TNRC6A: variants seen among roughly 807,000 people sequenced by gnomAD.
The protein encoded by TNRC6A is trinucleotide repeat-containing gene 6A protein.
TNRC6A carries 44 observed loss-of-function variants against 221.2 expected under a neutral mutation model. The ratio of observed to expected loss-of-function variants is 0.20; its 90% CI spans 0.16 to 0.26. The LOEUF is 0.26. TNRC6A is among the 10% of genes least tolerant of loss of function. TNRC6A has a pLI of 1.00. For synonymous variants in TNRC6A, 847 were observed against 838.5 expected (o/e 1.01, Z -0.18); for missense variants, 2,199 against 2,404.4 (o/e 0.91, Z 1.79).
intron 2 of TNRC6A, among the ~76,000 whole-genome samples, chr16:24,675,969 C>T (rs1278742878): frequency 6.6e-6 from 1 of 151,538 alleles, no homozygotes; most frequent in Non-Finnish European, 1.5e-5. Context: ...AGCAATCCTG[C>T]TTATCTTGCC....
At chr16:24,668,727 TTAGA>T (rs1449760155) in intron 2 of TNRC6A, among the ~76,000 whole-genome samples, 1 of 152,214 alleles carries the variant, frequency 6.6e-6, no homozygotes, top group Admixed American at 6.5e-5. Flanking sequence ...AGCCATGACC[TTAGA>T]TGGGAAAGAA....
upstream of TNRC6A, among the ~76,000 whole-genome samples, chr16:24,729,401 CTCCCCTCCT>C (rs2056554067): frequency 6.8e-6 from 1 of 147,644 alleles, no homozygotes; most frequent in African/African-American, 2.5e-5. Context: ...AGGGGAGGGA[CTCCCCTCCT>C]CGGTCAGACC....
At position 24,626,494 on chromosome 16, in the gene TNRC6A, C is replaced by G. The variant is rs1002776116; in HGVS notation, n.277-14390C>G. ...TCTGCCTCTGTAGCCTTCCTTGGAG[C>G]AATTCAAGCCATAGCATACTTTCAA... On this transcript the variant is annotated intron_variant and non_coding_transcript_variant, in intron 1 of 2. Coordinates refer to the TNRC6A transcript ENST00000566108. Among the ~76,000 whole-genome samples, 20 of 152,076 alleles carry G rather than the reference C, an allele frequency of 1.3e-4. 1 individual carries two copies. Among genetic ancestry groups the G allele is most frequent in the Admixed American group, 9.2e-4 (14 of 15,236 alleles).
intron 1 of TNRC6A, among the ~76,000 whole-genome samples, chr16:24,617,329 A>G (rs1900410102): frequency 1.3e-5 from 2 of 151,950 alleles, no homozygotes; most frequent in South Asian, 4.2e-4. Flanking sequence ...GGGTCTCACT[A>G]CGTTGCCCAG....
chr16:24,615,746 C>G (rs1309276487), intron 1 of TNRC6A, among the ~76,000 whole-genome samples: 2 of 152,154 alleles, frequency 1.3e-5, no homozygotes, highest in Non-Finnish European at 2.9e-5. Context: ...CAAGTTGTAG[C>G]TGGGTGTACT....
chr16:24,630,471 C>A (rs527323564), intron 1 of TNRC6A, among the ~76,000 whole-genome samples: 1 of 152,282 alleles, frequency 6.6e-6, no homozygotes, highest in Admixed American at 6.5e-5. Flanking sequence ...AGAGACCAGC[C>A]TGGGCAACGT....
At chr16:24,780,117 T>C (rs549961954) in intron 5 of TNRC6A, among the ~76,000 whole-genome samples, 4 of 152,338 alleles carry the variant, frequency 2.6e-5, no homozygotes, top group South Asian at 2.1e-4. Context: ...ATTGTTCTTA[T>C]AGGCCAAAGT....
chr16:24,788,016 T>A (rs2151845756), intron 5 of TNRC6A, among the ~76,000 whole-genome samples: 1 of 152,328 alleles, frequency 6.6e-6, no homozygotes, highest in Non-Finnish European at 1.5e-5. Context: ...AGAATGCACG[T>A]GACTTATGCA....
At chr16:24,707,560 T>A (rs1335499623) in intron 2 of TNRC6A, among the ~76,000 whole-genome samples, 1 of 152,174 alleles carries the variant, frequency 6.6e-6, no homozygotes, top group East Asian at 1.9e-4. Flanking sequence ...GAAGAATAAA[T>A]GTCCTTAATA....
At chr16:24,645,473 G>A (rs1334665994) in intron 2 of TNRC6A, among the ~76,000 whole-genome samples, 2 of 151,324 alleles carry the variant, frequency 1.3e-5, no homozygotes, top group South Asian at 2.1e-4. Context: ...CTGGGCAACA[G>A]AGTGAGACCC....
intron 11 of TNRC6A, chr16:24,803,592 G>A (rs1043122825): frequency 2.6e-5 from 4 of 152,354 alleles, no homozygotes; most frequent in Middle Eastern, 3.4e-3. Context: ...CTTAAGTTAT[G>A]TAACCTAAGA....
chr16:24,711,904 T>C (rs2142313875), intron 2 of TNRC6A, among the ~76,000 whole-genome samples: 1 of 152,222 alleles, frequency 6.6e-6, no homozygotes, highest in East Asian at 1.9e-4. Flanking sequence ...CAAGCGATCC[T>C]CCTGCCTCAG....
intron 2 of TNRC6A, among the ~76,000 whole-genome samples, chr16:24,653,778 C>CAAA (rs11285795): frequency 1.4e-5 from 2 of 140,670 alleles, no homozygotes. Flanking sequence ...GAGACTCTAT[C>CAAA]AAAAAAAAAA....
At chr16:24,687,911 CTTCTT>C (rs551462314) in intron 2 of TNRC6A, among the ~76,000 whole-genome samples, 10,563 of 119,986 alleles carry the variant, frequency 0.088, 897 homozygotes, top group African/African-American at 0.19. Flanking sequence ...CTTGGACATG[CTTCTT>C]TTCTTTTCTT....
At chr16:24,617,449 AGTGTGATT>A (rs779529237) in intron 1 of TNRC6A, among the ~76,000 whole-genome samples, 10 of 152,156 alleles carry the variant, frequency 6.6e-5, no homozygotes, top group Non-Finnish European at 1.2e-4. Flanking sequence ...CCTAATGCCT[AGTGTGATT>A]GTGTGATTAA....
At chr16:24,773,419 A>G (rs1438784605) in intron 4 of TNRC6A, among the ~76,000 whole-genome samples, 1 of 152,114 alleles carries the variant, frequency 6.6e-6, no homozygotes, top group East Asian at 1.9e-4. Context: ...TTTATTTGCT[A>G]GTTTTATCAT....
At chr16:24,615,310 A>G (rs11647207) in intron 1 of TNRC6A, among the ~76,000 whole-genome samples, 1 of 152,090 alleles carries the variant, frequency 6.6e-6, no homozygotes, top group Non-Finnish European at 1.5e-5. Flanking sequence ...GAAGATGTCA[A>G]CCATTCCGTG....
At chr16:24,610,739 C>A (rs561986438) in intron 1 of TNRC6A, among the ~76,000 whole-genome samples, 3 of 152,110 alleles carry the variant, frequency 2.0e-5, no homozygotes, top group African/African-American at 7.2e-5. Context: ...CCGAGCCTCT[C>A]CTCTCTCTAT....
intron 6 of TNRC6A, among the ~76,000 whole-genome samples, chr16:24,793,120 G>A (rs1276641479): frequency 4.6e-5 from 7 of 152,090 alleles, no homozygotes; most frequent in Admixed American, 4.6e-4. Context: ...CTGTCACCCA[G>A]CTTATCACCT....
Sources: allele counts gnomAD v4.1 joint callset (sites outside exome capture counted in the v4.1 genomes callset), GRCh38; gene constraint gnomAD v4.1.1; transcripts MANE v1.5; gene names NCBI Gene and HGNC (gene_info 2026-07-23, HGNC 2026-07-21).